The following SIPA1L3 variants were observed in gnomAD, a reference collection of about 807,000 sequenced individuals.
The protein encoded by SIPA1L3 is signal-induced proliferation-associated 1-like protein 3.
In SIPA1L3, 59 loss-of-function variants were observed where a neutral mutation model predicts 150.1. That is an observed-to-expected ratio of 0.39 (90% CI 0.32 to 0.49). The LOEUF is 0.49. Among genes scored for constraint, SIPA1L3 ranks in the 20% least tolerant of loss-of-function variants. The pLI is 0.86. For missense variants in SIPA1L3, 2,211 were observed against 2,489.5 expected (o/e 0.89, Z 2.38); for synonymous variants, 1,070 against 1,077.6 (o/e 0.99, Z 0.14).
intron 2 of SIPA1L3, among the ~76,000 whole-genome samples, chr19:38,060,503 G>T (rs1969422947): frequency 6.6e-6 from 1 of 152,202 alleles, no homozygotes; most frequent in African/African-American, 2.4e-5. Context: ...CTGAGCAGAG[G>T]TGCGTGACTT....
chr19:38,174,743 G>C (rs113202846), intron 15 of SIPA1L3, among the ~76,000 whole-genome samples: 5 of 151,808 alleles, frequency 3.3e-5, no homozygotes, highest in Non-Finnish European at 5.9e-5. Context: ...CCAGAGACTC[G>C]AGAGGCTGAG....
intron 9 of SIPA1L3, among the ~76,000 whole-genome samples, chr19:38,122,392 C>G (rs1476282494): frequency 6.6e-6 from 1 of 152,236 alleles, no homozygotes; most frequent in Non-Finnish European, 1.5e-5. Context: ...GCTCCACTCT[C>G]TCTCATGCCC....
At chr19:38,104,093 A>G (rs1970568085) in intron 6 of SIPA1L3, among the ~76,000 whole-genome samples, 1 of 152,044 alleles carries the variant, frequency 6.6e-6, no homozygotes, top group African/African-American at 2.4e-5. Context: ...AGGCCCCAAG[A>G]TGGCTCAGTC....
In SIPA1L3 at chr19:38,192,914, ACT is replaced by A. The variant is rs982543607; in HGVS notation, c.4596+607_4596+608del. ...GCTACCCACTGGGGTCCCAGCACTG[ACT>A]CTGGTGGGTCCAGCTTGGCTCACAC... On this transcript the variant is annotated intron_variant, in intron 17 of 21. Coordinates refer to ENST00000222345, the MANE Select transcript of SIPA1L3 (RefSeq NM_015073.3). 1.4e-3 allele frequency among the ~76,000 whole-genome samples: 211 copies of A among 151,962 alleles called. 1 individual carries two copies. The highest frequency in any genetic ancestry group is 4.5e-3 in the African/African-American group (186 of 41,436).
intron 1 of SIPA1L3, among the ~76,000 whole-genome samples, chr19:38,016,886 CTTTTTTTT>C (rs58459050): frequency 1.4e-5 from 1 of 69,106 alleles, no homozygotes; most frequent in Non-Finnish European, 2.5e-5. Flanking sequence ...CCTCCTCTGG[CTTTTTTTT>C]TTTTTTTTTT....
intron 1 of SIPA1L3, among the ~76,000 whole-genome samples, chr19:37,909,499 C>T (rs756341399): frequency 7.9e-5 from 12 of 152,060 alleles, no homozygotes; most frequent in Non-Finnish European, 1.6e-4. Flanking sequence ...CATGAACCAC[C>T]GCGCCTGGCT....
At chr19:37,985,534 G>A (rs969472707) in intron 1 of SIPA1L3, among the ~76,000 whole-genome samples, 1 of 152,178 alleles carries the variant, frequency 6.6e-6, no homozygotes, top group Non-Finnish European at 1.5e-5. Flanking sequence ...CCAGGATAAA[G>A]TGAAGTGAGT....
At chr19:37,983,310 C>T (rs372914447) in intron 1 of SIPA1L3, among the ~76,000 whole-genome samples, 1 of 152,204 alleles carries the variant, frequency 6.6e-6, no homozygotes, top group Non-Finnish European at 1.5e-5. Context: ...CTGTCGCTTA[C>T]TTGCTGGGTG....
chr19:38,193,715 A>G lies in SIPA1L3; in HGVS notation c.4775A>G (p.His1592Arg), dbSNP rs1190759174. 2 of 1,567,612 alleles carry G rather than the reference A, an allele frequency of 1.3e-6. No homozygotes were observed. Among genetic ancestry groups the G allele is most frequent in the African/African-American group, 1.4e-5 (1 of 73,118 alleles). The change falls in exon 18 of 22, where the codon CAC becomes CGC. Residue 1592 changes from histidine to arginine, a missense_variant. Physicochemically the swap from His to Arg is conservative, Grantham distance 29 (BLOSUM62 0). Transcript: ENST00000222345. ...STLPARRQHQ[H>R]PHPPVGPGAT... is the part of the protein sequence containing the mutation. ...CTGCCTGCACGCCGCCAGCACCAGC[A>G]CCCCCACCCGCCCGTCGGCCCCGGT...
At chr19:38,084,704 A>T (rs1970087295) in intron 3 of SIPA1L3, among the ~76,000 whole-genome samples, 1 of 137,474 alleles carries the variant, frequency 7.3e-6, no homozygotes. Flanking sequence ...CAGTGGCGCG[A>T]TCTCAGCTCA....
Position 38,130,920 on chromosome 19 carries a change from G to A in SIPA1L3, c.3143+148G>A, listed in dbSNP as rs1332030246. ...GGAATAGTGGCAACAGTGACAGGAC[G>A]GGGAGGGCACATCTACAGAGCGCTT... is the stretch of plus-strand genomic sequence containing the variant. On this transcript the variant is annotated intron_variant, in intron 10 of 21. Coordinates refer to ENST00000222345, the MANE Select transcript of SIPA1L3 (RefSeq NM_015073.3). 1.1e-4 allele frequency: 89 copies of A among 816,070 alleles called. No individual in the cohort carries two copies. The South Asian group carries it at 1.2e-3, about 11-fold the overall frequency. The allele number at this position is 816,070 out of a possible 1,614,324, so 50.6% of individuals were successfully genotyped here.
At chr19:38,144,169 CTG>C in intron 12 of SIPA1L3, among the ~76,000 whole-genome samples, 1 of 152,260 alleles carries the variant, frequency 6.6e-6, no homozygotes, top group Non-Finnish European at 1.5e-5. Context: ...CCCCCAATTC[CTG>C]TGTATTTCCT....
At position 38,141,376 on chromosome 19, in the gene SIPA1L3, G is replaced by A; in HGVS notation, c.3336G>A (p.Arg1112=). The change falls in exon 11 of 22, where the codon CGG becomes CGA. Residue 1112 remains arginine, a synonymous_variant. Coordinates refer to ENST00000222345, the MANE Select transcript of SIPA1L3 (RefSeq NM_015073.3). ...TTPGHAQSLS[R]PLKQTPIVPF... ...CCGGCCATGCCCAGTCCCTGAGCCG[G>A]CCCCTGAAGCAGACCCCCATAGTCC... The A allele has an allele frequency of 6.2e-7, 1 of 1,613,640 alleles. No individual in the cohort carries two copies. The highest frequency in any genetic ancestry group is 8.5e-7 in the Non-Finnish European group (1 of 1,180,006).
At chr19:38,048,305 G>A (rs1204795456) in intron 2 of SIPA1L3, among the ~76,000 whole-genome samples, 1 of 152,176 alleles carries the variant, frequency 6.6e-6, no homozygotes, top group East Asian at 1.9e-4. Flanking sequence ...AGGATCAGCA[G>A]CTCAAGCATG....
intron 1 of SIPA1L3, among the ~76,000 whole-genome samples, chr19:37,946,692 T>A (rs1364052569): frequency 1.3e-5 from 2 of 152,228 alleles, no homozygotes; most frequent in Non-Finnish European, 2.9e-5. Flanking sequence ...CTTTTAGTTT[T>A]TTTTTGTTAA....
chr19:38,093,505 T>G (rs558710418), intron 4 of SIPA1L3, among the ~76,000 whole-genome samples: 110 of 152,228 alleles, frequency 7.2e-4, no homozygotes, highest in African/African-American at 2.5e-3. Context: ...ACCTGACACT[T>G]GACTGGAAGT....
intron 3 of SIPA1L3, among the ~76,000 whole-genome samples, chr19:38,083,712 C>G (rs559777741): frequency 6.6e-6 from 1 of 151,996 alleles, no homozygotes; most frequent in Non-Finnish European, 1.5e-5. Context: ...TTGGAACTGC[C>G]CGGCGCAGTG....
intron 1 of SIPA1L3, among the ~76,000 whole-genome samples, chr19:37,959,991 C>A (rs1477732981): frequency 6.6e-6 from 1 of 151,904 alleles, no homozygotes; most frequent in Non-Finnish European, 1.5e-5. Flanking sequence ...ATGTTACAAG[C>A]CCCACAGTAT....
intron 15 of SIPA1L3, among the ~76,000 whole-genome samples, chr19:38,167,508 CAGAG>C (rs1272766477): frequency 2.6e-5 from 4 of 152,144 alleles, no homozygotes; most frequent in Non-Finnish European, 5.9e-5. Flanking sequence ...AGGAGACAGA[CAGAG>C]AGAGACACTG....
Sources: allele counts gnomAD v4.1 joint callset (sites outside exome capture counted in the v4.1 genomes callset), GRCh38; gene constraint gnomAD v4.1.1; transcripts MANE v1.5; gene names NCBI Gene and HGNC (gene_info 2026-07-23, HGNC 2026-07-21).